GPR137C: variants seen among roughly 807,000 people sequenced by gnomAD.
GPR137C encodes the protein G protein-coupled receptor 137C.
Under a neutral mutation model 43.4 loss-of-function variants are expected in GPR137C, and 27 were observed. That is an observed-to-expected ratio of 0.62 (90% CI 0.46 to 0.86). GPR137C has a LOEUF of 0.86. Ranked by LOEUF, GPR137C falls within the 40% of genes least tolerant of loss-of-function variation. The probability of loss-of-function intolerance (pLI) is 0.00; values close to 1 mark genes in which losing one functional copy is unlikely to be tolerated. For synonymous variants in GPR137C, 285 were observed against 226.9 expected (o/e 1.26, Z -2.30); for missense variants, 522 against 534.6 (o/e 0.98, Z 0.23).
chr14:52,590,566 A>G (rs954776450), intron 1 of GPR137C, among the ~76,000 whole-genome samples: 1 of 152,166 alleles, frequency 6.6e-6, no homozygotes, highest in Non-Finnish European at 1.5e-5. Context: ...CATTCATATT[A>G]AGTGCCCTAT....
intron 1 of GPR137C, among the ~76,000 whole-genome samples, chr14:52,584,163 T>A (rs1030205070): frequency 2.0e-5 from 3 of 152,094 alleles, no homozygotes; most frequent in African/African-American, 7.2e-5. Context: ...AATTACTACA[T>A]GAAAAAATGC....
chr14:52,556,765 A>C (rs1027211959), intron 1 of GPR137C, among the ~76,000 whole-genome samples: 3 of 152,144 alleles, frequency 2.0e-5, no homozygotes, highest in Admixed American at 6.5e-5. Flanking sequence ...AGAAACCTGC[A>C]CATGAACCTC....
chr14:52,553,615 G>A (rs2038133868), intron 1 of GPR137C, 24 bp downstream of exon 1: 1 of 1,534,774 alleles, frequency 6.5e-7, no homozygotes, highest in Non-Finnish European at 8.8e-7. Context: ...GCCGGCATGC[G>A]GGGCCCGGGC....
intron 1 of GPR137C, among the ~76,000 whole-genome samples, chr14:52,569,606 G>A (rs1356674490): frequency 7.2e-5 from 11 of 151,868 alleles, no homozygotes; most frequent in Non-Finnish European, 1.6e-4. Context: ...TAAATGACCT[G>A]ATGGAGCTGA....
chr14:52,608,809 T>A (rs1375328436), intron 3 of GPR137C, among the ~76,000 whole-genome samples: 1 of 152,142 alleles, frequency 6.6e-6, no homozygotes, highest in African/African-American at 2.4e-5. Flanking sequence ...GTGTATTGGA[T>A]CTTTCCTAAA....
chr14:52,598,655 T>A (rs2038886313), intron 2 of GPR137C, among the ~76,000 whole-genome samples: 1 of 152,198 alleles, frequency 6.6e-6, no homozygotes, highest in Non-Finnish European at 1.5e-5. Flanking sequence ...AGTGAGAATG[T>A]TCCATGAAAT....
intron 3 of GPR137C, among the ~76,000 whole-genome samples, chr14:52,626,010 T>G (rs918687926): frequency 6.6e-6 from 1 of 152,028 alleles, no homozygotes; most frequent in Non-Finnish European, 1.5e-5. Flanking sequence ...AAAGTAACAA[T>G]ACAACAATAA....
chr14:52,588,064 C>T (rs781410194), intron 1 of GPR137C, among the ~76,000 whole-genome samples: 2 of 152,180 alleles, frequency 1.3e-5, no homozygotes, highest in Non-Finnish European at 2.9e-5. Flanking sequence ...ATGTGATACT[C>T]TTTAAATACA....
intron 3 of GPR137C, among the ~76,000 whole-genome samples, chr14:52,627,825 A>G (rs1041127200): frequency 6.6e-6 from 1 of 152,156 alleles, no homozygotes; most frequent in African/African-American, 2.4e-5. Flanking sequence ...GCCTGGCGAC[A>G]GAGCAAGACT....
chr14:52,561,983 G>T (rs891358629), intron 1 of GPR137C, among the ~76,000 whole-genome samples: 44 of 152,286 alleles, frequency 2.9e-4, no homozygotes, highest in Admixed American at 2.7e-3. Flanking sequence ...ATATTTCAAT[G>T]AAGTTGATTT....
chr14:52,572,379 C>CCAA (rs1325177506), intron 1 of GPR137C, among the ~76,000 whole-genome samples: 1 of 152,190 alleles, frequency 6.6e-6, no homozygotes, highest in Non-Finnish European at 1.5e-5. Flanking sequence ...TCCAGCAGCA[C>CCAA]ATCAAAAAGC....
intron 1 of GPR137C, among the ~76,000 whole-genome samples, chr14:52,597,271 T>C (rs905380365): frequency 6.6e-6 from 1 of 152,200 alleles, no homozygotes; most frequent in African/African-American, 2.4e-5. Flanking sequence ...TGTATCAAAA[T>C]AGATGGTTTT....
intron 1 of GPR137C, among the ~76,000 whole-genome samples, chr14:52,593,142 T>C (rs898560985): frequency 1.6e-4 from 24 of 152,356 alleles, no homozygotes; most frequent in African/African-American, 5.8e-4. Context: ...TTTATTGATT[T>C]GCATATGTTA....
At chr14:52,568,751 C>T (rs138624676) in intron 1 of GPR137C, among the ~76,000 whole-genome samples, 1 of 152,358 alleles carries the variant, frequency 6.6e-6, no homozygotes, top group East Asian at 1.9e-4. Context: ...TAGATTTCTC[C>T]TCTCTGAGCA....
chr14:52,585,754 G>A (rs914556979), intron 1 of GPR137C, among the ~76,000 whole-genome samples: 2 of 152,112 alleles, frequency 1.3e-5, no homozygotes, highest in African/African-American at 4.8e-5. Flanking sequence ...AGAATCACTT[G>A]AACCCAGGAG....
At chr14:52,600,600 T>G (rs1266734004) in intron 3 of GPR137C, among the ~76,000 whole-genome samples, 1 of 152,148 alleles carries the variant, frequency 6.6e-6, no homozygotes, top group Non-Finnish European at 1.5e-5. Flanking sequence ...ACAGGCATAT[T>G]GCTTTTTTAA....
At chr14:52,590,645 ATACT>A (rs1175569019) in intron 1 of GPR137C, among the ~76,000 whole-genome samples, 4 of 152,198 alleles carry the variant, frequency 2.6e-5, no homozygotes, top group South Asian at 2.1e-4. Flanking sequence ...AGATACACAA[ATACT>A]TACCATCGTG....
intron 1 of GPR137C, among the ~76,000 whole-genome samples, chr14:52,575,548 C>T (rs17725189): frequency 0.09 from 13,651 of 152,212 alleles, 680 homozygotes; most frequent in South Asian, 0.15. Context: ...AATACATTTT[C>T]TTGGGCATGT....
chr14:52,566,213 A>T (rs541188289), intron 1 of GPR137C, among the ~76,000 whole-genome samples: 4 of 152,294 alleles, frequency 2.6e-5, no homozygotes, highest in Non-Finnish European at 5.9e-5. Flanking sequence ...ACAAAAACTC[A>T]ATTACAGCTA....
Sources: allele counts gnomAD v4.1 joint callset (sites outside exome capture counted in the v4.1 genomes callset), GRCh38; gene constraint gnomAD v4.1.1; transcripts MANE v1.5; gene names NCBI Gene and HGNC (gene_info 2026-07-23, HGNC 2026-07-21).